Variants in FAM13A observed in about 807,000 individuals in gnomAD.
The protein encoded by FAM13A is family with sequence similarity 13 member A.
Under a neutral mutation model 129.6 loss-of-function variants are expected in FAM13A, and 76 were observed. The ratio of observed to expected loss-of-function variants is 0.59; its 90% CI spans 0.49 to 0.71. The LOEUF (loss-of-function observed/expected upper bound fraction) is 0.71. Ranked by LOEUF, FAM13A falls within the 30% of genes least tolerant of loss-of-function variation. The pLI is 0.00. For synonymous variants in FAM13A, 443 were observed against 449.9 expected, an observed-to-expected ratio of 0.98 and a Z score of 0.20; for missense variants, 1,108 against 1,249.3, an observed-to-expected ratio of 0.89 and a Z score of 1.70.
chr4:89,030,910 T>TC (rs1488569206), intron 1 of FAM13A, among the ~76,000 whole-genome samples: 12 of 152,168 alleles, frequency 7.9e-5, no homozygotes, highest in African/African-American at 1.7e-4. Context: ...ATCTACAGAA[T>TC]CAGGTCAGCT....
chr4:89,056,873 G>A, intron 1 of FAM13A, 65 bp downstream of exon 1: 1 of 1,469,646 alleles, frequency 6.8e-7, no homozygotes, highest in East Asian at 2.3e-5. Flanking sequence ...TCAAAACAAG[G>A]AAGGCAAGGC....
At chr4:88,867,794 T>C (rs1740706194) in intron 6 of FAM13A, among the ~76,000 whole-genome samples, 2 of 152,162 alleles carry the variant, frequency 1.3e-5, no homozygotes, top group Admixed American at 6.5e-5. Flanking sequence ...GATAGAAATA[T>C]AAAAACATTT....
chr4:88,822,381 C>G (rs76754681), intron 7 of FAM13A, among the ~76,000 whole-genome samples: 1 of 152,046 alleles, frequency 6.6e-6, no homozygotes, highest in East Asian at 1.9e-4. Context: ...ATTATAATCA[C>G]GAAGGAACAA....
chr4:88,800,327 T>C (rs1319382329), intron 8 of FAM13A, among the ~76,000 whole-genome samples: 1 of 152,128 alleles, frequency 6.6e-6, no homozygotes, highest in Non-Finnish European at 1.5e-5. Context: ...TTTACCATAA[T>C]ACAAAAACCA....
chr4:88,859,423 G>A (rs1186917961), intron 6 of FAM13A, among the ~76,000 whole-genome samples: 1 of 152,132 alleles, frequency 6.6e-6, no homozygotes, highest in Non-Finnish European at 1.5e-5. Flanking sequence ...TGGGAAGGAA[G>A]AAGGAAGAAC....
At chr4:88,753,232 A>T (rs1742995848) in intron 14 of FAM13A, among the ~76,000 whole-genome samples, 1 of 152,236 alleles carries the variant, frequency 6.6e-6, no homozygotes, top group South Asian at 2.1e-4. Context: ...GATAAGATAA[A>T]CTGATCTTGA....
intron 6 of FAM13A, among the ~76,000 whole-genome samples, chr4:88,884,751 A>G (rs949844459): frequency 6.6e-6 from 1 of 152,092 alleles, no homozygotes; most frequent in African/African-American, 2.4e-5. Flanking sequence ...AAGAACCCTA[A>G]AGAGTCCTCC....
chr4:88,798,560 C>G (rs1055967137), intron 8 of FAM13A, among the ~76,000 whole-genome samples: 5 of 152,110 alleles, frequency 3.3e-5, no homozygotes, highest in Non-Finnish European at 7.3e-5. Context: ...TCAGTTTTTC[C>G]TCCCTTCCTT....
At chr4:88,796,004 G>A (rs761070266) in intron 8 of FAM13A, among the ~76,000 whole-genome samples, 60 of 151,582 alleles carry the variant, frequency 4.0e-4, no homozygotes, top group South Asian at 8.3e-4. Context: ...ACCAGCTCCC[G>A]AATTCAAGTA....
intron 22 of FAM13A, 164 bp downstream of exon 22, chr4:88,731,838 A>T (rs923602305): frequency 6.7e-6 from 4 of 595,044 alleles, no homozygotes; most frequent in Non-Finnish European, 1.1e-5. Flanking sequence ...GGGCTGAAGC[A>T]TATAAAAAAA....
At chr4:88,878,086 A>G (rs182706431) in intron 6 of FAM13A, among the ~76,000 whole-genome samples, 39 of 152,142 alleles carry the variant, frequency 2.6e-4, no homozygotes, top group Non-Finnish European at 5.0e-4. Flanking sequence ...TCAGGAAATC[A>G]AGACCATCCT....
intron 6 of FAM13A, among the ~76,000 whole-genome samples, chr4:88,900,370 A>G (rs1410274579): frequency 6.6e-6 from 1 of 152,024 alleles, no homozygotes; most frequent in African/African-American, 2.4e-5. Flanking sequence ...GCAAAATGAA[A>G]GAAAAAATGT....
At chr4:88,961,200 T>A (rs959256571) in intron 4 of FAM13A, among the ~76,000 whole-genome samples, 3 of 152,046 alleles carry the variant, frequency 2.0e-5, no homozygotes, top group African/African-American at 7.2e-5. Flanking sequence ...ACAGAAAATA[T>A]AGTTGCAATG....
intron 23 of FAM13A, 57 bp downstream of exon 23, chr4:88,731,270 G>T: frequency 3.6e-6 from 3 of 832,522 alleles, no homozygotes; most frequent in Admixed American, 4.1e-5. Flanking sequence ...AAACAAGAGG[G>T]ATGGGTGTGT....
At chr4:88,965,650 G>A (rs1362434446) in intron 4 of FAM13A, among the ~76,000 whole-genome samples, 1 of 151,804 alleles carries the variant, frequency 6.6e-6, no homozygotes, top group Non-Finnish European at 1.5e-5. Context: ...TATCCACATC[G>A]TTGTATGACA....
At chr4:88,960,869 T>C (rs1758508183) in intron 4 of FAM13A, among the ~76,000 whole-genome samples, 1 of 152,138 alleles carries the variant, frequency 6.6e-6, no homozygotes. Context: ...CAGTTACTAA[T>C]CAGAAAAACA....
intron 3 of FAM13A, among the ~76,000 whole-genome samples, chr4:88,997,536 G>C (rs9991237): frequency 0.79 from 120,492 of 151,578 alleles, 48,119 homozygotes; most frequent in Middle Eastern, 0.88. Flanking sequence ...TGAACCATGT[G>C]ACAAATATTT....
chr4:88,851,472 T>C (rs1030555023), intron 6 of FAM13A, among the ~76,000 whole-genome samples: 3 of 151,874 alleles, frequency 2.0e-5, no homozygotes, highest in African/African-American at 4.8e-5. Context: ...CCACCCCTCC[T>C]TAGAATAATC....
intron 20 of FAM13A, among the ~76,000 whole-genome samples, 173 bp downstream of exon 20, chr4:88,738,857 G>A (rs529982462): frequency 2.0e-5 from 3 of 152,238 alleles, no homozygotes; most frequent in African/African-American, 4.8e-5. Context: ...TAGCCTCAGG[G>A]GTCTTTGATA....
Sources: gnomAD v4.1 joint callset for allele counts (sites outside exome capture counted in the v4.1 genomes callset) on GRCh38, gnomAD v4.1.1 for gene constraint, MANE v1.5 for transcripts, NCBI Gene and HGNC (gene_info 2026-07-23, HGNC 2026-07-21) for gene names.